JPH2: variants seen among roughly 807,000 people sequenced by gnomAD.
The protein encoded by JPH2 is junctophilin-2.
In JPH2, 38 loss-of-function variants were observed where a neutral mutation model predicts 55.9. The observed-to-expected ratio is 0.68, with a 90% CI of 0.52 to 0.89. The LOEUF is 0.89. JPH2 is among the 40% of genes least tolerant of loss of function. The pLI is 0.00. For missense variants in JPH2, 964 were observed against 1,037.6 expected (o/e 0.93, Z 0.97); for synonymous variants, 480 against 472.4 (o/e 1.02, Z -0.21).
At chr20:44,183,733 T>C (rs1235316872) in intron 1 of JPH2, among the ~76,000 whole-genome samples, 4 of 152,182 alleles carry the variant, frequency 2.6e-5, no homozygotes, top group Non-Finnish European at 5.9e-5. Context: ...ATTAGCCAGT[T>C]TTGAGTTATC....
rs1382152458 is a variant in JPH2, at chr20:44,107,432, C to G, written c.*6086G>C. On this transcript the variant is annotated 3_prime_UTR_variant, in exon 6 of 6. Transcript: ENST00000372980. Reference sequence around the variant, plus strand: ...CTTGAAGCTAGTTGAGGCCAAACAACTGAGCTCTGGCTAGTGGAATATGAG... The same window carrying G: ...CTTGAAGCTAGTTGAGGCCAAACAAGTGAGCTCTGGCTAGTGGAATATGAG... Among the ~76,000 whole-genome samples, 1 of 152,202 alleles carries G rather than the reference C, an allele frequency of 6.6e-6. No individual in the cohort carries two copies. Among genetic ancestry groups the G allele is most frequent in the Non-Finnish European group, 1.5e-5 (1 of 68,032 alleles).
chr20:44,156,121 C>A (rs948934463), intron 2 of JPH2, among the ~76,000 whole-genome samples: 1 of 151,690 alleles, frequency 6.6e-6, no homozygotes, highest in Non-Finnish European at 1.5e-5. Context: ...GGAGATCTGA[C>A]AACTAAATGC....
chr20:44,113,626 C>G (rs535922197), intron 5 of JPH2, 123 bp from the exon 6 acceptor site: 1 of 152,444 alleles, frequency 6.6e-6, no homozygotes, highest in African/African-American at 2.4e-5. Context: ...CCTCTGCATC[C>G]CCCCAGACAG....
rs550395310 is a variant in JPH2 at position 44,110,274 on chromosome 20, T to G, written c.*3244A>C. 2.0e-5 allele frequency among the ~76,000 whole-genome samples: 3 copies of G among 152,264 alleles called. No individual in the cohort carries two copies. The South Asian group carries it at 6.2e-4, about 32-fold the overall frequency. On this transcript the variant is annotated 3_prime_UTR_variant, in exon 6 of 6. Coordinates refer to ENST00000372980, the MANE Select transcript of JPH2 (RefSeq NM_020433.5). The stretch of plus-strand genomic sequence containing the variant: ...CCATCTGCAGACCGGCCAACTGGGC[T>G]GGCTGCCCACCTGCTTTCCCTCTGT...
At chr20:44,164,407 C>A (rs1164811716) in intron 1 of JPH2, among the ~76,000 whole-genome samples, 1 of 151,972 alleles carries the variant, frequency 6.6e-6, no homozygotes, top group African/African-American at 2.4e-5. Context: ...AAAGTAATAC[C>A]CACTTTCCAG....
In JPH2 at chr20:44,115,879, G is replaced by GGC. The variant is rs1239286601; in HGVS notation, c.1795_1796insGC (p.Pro599ArgfsTer48). ...GGGGGCCTGCAGCGGGGCGGTGGCC[G>GGC]GGGACGAGGGCGCGGACTCGGACCC... On this transcript the variant is annotated frameshift_variant, in exon 4 of 6. Transcript: ENST00000372980. LOFTEE classifies it high-confidence loss of function. The GGC allele has an allele frequency of 6.3e-7, 1 of 1,581,984 alleles. No homozygotes were observed. The highest frequency in any genetic ancestry group is 2.3e-5 in the East Asian group (1 of 44,238).
chr20:44,174,314 G>A (rs1286657269), intron 1 of JPH2, among the ~76,000 whole-genome samples: 2 of 152,126 alleles, frequency 1.3e-5, no homozygotes, highest in African/African-American at 2.4e-5. Context: ...GAAAAGCTGA[G>A]TACCCAGAGT....
chr20:44,142,609 A>C (rs2072465802), intron 2 of JPH2, among the ~76,000 whole-genome samples: 1 of 152,182 alleles, frequency 6.6e-6, no homozygotes, highest in South Asian at 2.1e-4. Context: ...GGCCTTCCTC[A>C]GTGAGGCCAG....
chr20:44,180,718 T>G (rs567949471), intron 1 of JPH2, among the ~76,000 whole-genome samples: 1 of 152,338 alleles, frequency 6.6e-6, no homozygotes, highest in East Asian at 1.9e-4. Flanking sequence ...GAGCCAGAGA[T>G]GACTTGGAGA....
intron 2 of JPH2, among the ~76,000 whole-genome samples, chr20:44,125,063 G>A (rs1482294494): frequency 6.7e-6 from 1 of 148,888 alleles, no homozygotes; most frequent in Non-Finnish European, 1.5e-5. Flanking sequence ...AGCCAAGATT[G>A]CACCACTGTA....
chr20:44,128,650 T>G (rs1183523216), intron 2 of JPH2, among the ~76,000 whole-genome samples: 1 of 152,112 alleles, frequency 6.6e-6, no homozygotes, highest in Non-Finnish European at 1.5e-5. Flanking sequence ...TTTTTAAAAA[T>G]AAAAAATTGC....
chr20:44,134,614 T>TATATTTATAATAAATATATATA (rs369310397), intron 2 of JPH2, among the ~76,000 whole-genome samples: 5 of 3,842 alleles, frequency 1.3e-3, no homozygotes, highest in Non-Finnish European at 1.8e-3. Flanking sequence ...ATTATAAATA[T>TATATTTATAATAAATATATATA]AATAAATATA....
intron 1 of JPH2, among the ~76,000 whole-genome samples, chr20:44,167,597 C>T (rs2072666247): frequency 6.6e-6 from 1 of 152,052 alleles, no homozygotes; most frequent in Non-Finnish European, 1.5e-5. Context: ...CGGTCCTGTC[C>T]CCCCGATAGG....
intron 2 of JPH2, among the ~76,000 whole-genome samples, chr20:44,152,622 C>T (rs1489883135): frequency 2.0e-5 from 3 of 152,210 alleles, no homozygotes; most frequent in African/African-American, 7.2e-5. Context: ...AATAAGCAGG[C>T]TCAAAGATGG....
chr20:44,159,680 A>G lies in JPH2; in HGVS notation c.1107T>C (p.Ser369=), dbSNP rs148311735. The G allele has an allele frequency of 6.1e-5, 99 of 1,612,324 alleles. No individual in the cohort carries two copies. The African/African-American group carries it at 1.3e-3, about 21-fold the overall frequency. The change falls in exon 2 of 6, where the codon AGT becomes AGC. Residue 369 remains serine, a synonymous_variant. Transcript: ENST00000372980. The surrounding 1 kb of genome is among the most constrained non-coding windows in gnomAD (Gnocchi z 5.7). ...SNKVRQKVEH[S]VEGAQRAAAI... ...CAGCGGCGCGCTGGGCACCCTCCAC[A>G]CTGTGCTCCACTTTCTGGCGGACCT...
chr20:44,118,567 T>C lies in JPH2; in HGVS notation c.1226A>G (p.Asn409Ser). The C allele has an allele frequency of 6.2e-7, 1 of 1,613,164 alleles. No homozygotes were observed. The highest frequency in any genetic ancestry group is 8.5e-7 in the Non-Finnish European group (1 of 1,180,042). The change falls in exon 3 of 6, where the codon AAC becomes AGC. Residue 409 changes from asparagine to serine, a missense_variant. By Grantham distance (46) the Asn-to-Ser change is conservative (BLOSUM62 1). Transcript: ENST00000372980. ...AGTGCGAGCAATGTTGGACTCCTGG[T>C]TGGCAGCCAGGGCGGCCTGTTCCGC... ...EAAEQAALAANQESNIARTLA... is the reference protein window; with the variant it reads ...EAAEQAALAASQESNIARTLA...
chr20:44,178,162 C>T (rs2072750680), intron 1 of JPH2, among the ~76,000 whole-genome samples: 1 of 152,126 alleles, frequency 6.6e-6, no homozygotes, highest in Non-Finnish European at 1.5e-5. Context: ...TTTTCAATAA[C>T]AGTCAAACTA....
chr20:44,136,020 T>G (rs1285811607), intron 2 of JPH2, among the ~76,000 whole-genome samples: 1 of 152,162 alleles, frequency 6.6e-6, no homozygotes, highest in East Asian at 1.9e-4. Context: ...AGTGTACACA[T>G]GAGAAAACCA....
At chr20:44,123,987 G>C (rs1340005273) in intron 2 of JPH2, among the ~76,000 whole-genome samples, 1 of 152,130 alleles carries the variant, frequency 6.6e-6, no homozygotes, top group Non-Finnish European at 1.5e-5. Context: ...CACCATCTCT[G>C]GATCCATGCC....
Sources: allele counts gnomAD v4.1 joint callset (sites outside exome capture counted in the v4.1 genomes callset), GRCh38; gene constraint gnomAD v4.1.1; non-coding constraint Gnocchi (gnomAD v3.1); transcripts MANE v1.5; gene names NCBI Gene and HGNC (gene_info 2026-07-23, HGNC 2026-07-21).